ZBTB40: variants seen among roughly 807,000 people sequenced by gnomAD.
ZBTB40 encodes zinc finger and BTB domain-containing protein 40.
ZBTB40 carries 60 observed loss-of-function variants against 117.5 expected under a neutral mutation model. The observed-to-expected ratio is 0.51, with a 90% CI of 0.41 to 0.63. ZBTB40 has a LOEUF of 0.63. Ranked by LOEUF, ZBTB40 falls within the 30% of genes least tolerant of loss-of-function variation. The pLI is 0.00. For missense variants in ZBTB40, 1,287 were observed against 1,498.5 expected, an observed-to-expected ratio of 0.86 and a Z score of 2.33; for synonymous variants, 525 against 577.1, an observed-to-expected ratio of 0.91 and a Z score of 1.29.
intron 1 of ZBTB40, among the ~76,000 whole-genome samples, chr1:22,484,297 T>C (rs1638406632): frequency 6.6e-6 from 1 of 152,220 alleles, no homozygotes; most frequent in Non-Finnish European, 1.5e-5. Context: ...GGGATATCTC[T>C]CCATTTTTAA....
chr1:22,499,633 T>A (rs1638871889), intron 3 of ZBTB40, among the ~76,000 whole-genome samples: 1 of 152,214 alleles, frequency 6.6e-6, no homozygotes, highest in Non-Finnish European at 1.5e-5. Flanking sequence ...TATGTTGATG[T>A]GGATTATTAA....
chr1:22,509,758 G>A (rs1569866771), intron 9 of ZBTB40, among the ~76,000 whole-genome samples: 2 of 152,176 alleles, frequency 1.3e-5, no homozygotes, highest in Admixed American at 1.3e-4. Flanking sequence ...ATAGACAAGG[G>A]TTCTCAGGCC....
intron 16 of ZBTB40, among the ~76,000 whole-genome samples, chr1:22,522,945 C>CTTTTTTTTTTTTTTTTTTTTT (rs34232963): frequency 1.3e-4 from 12 of 93,908 alleles, no homozygotes; most frequent in African/African-American, 3.1e-4. Context: ...TAAGATGTAC[C>CTTTTTTTTTTTTTTTTTTTTT]TTTTTTTTTT....
chr1:22,463,105 A>G (rs1369892844), intron 1 of ZBTB40, among the ~76,000 whole-genome samples: 1 of 152,162 alleles, frequency 6.6e-6, no homozygotes, highest in Non-Finnish European at 1.5e-5. Flanking sequence ...CACTAATATT[A>G]TCCCCATTTT....
chr1:22,476,453 C>T (rs939778793), intron 1 of ZBTB40, among the ~76,000 whole-genome samples: 3 of 152,210 alleles, frequency 2.0e-5, no homozygotes, highest in South Asian at 2.1e-4. Context: ...CTCCTGGGTT[C>T]AAGTGATCCG....
At chr1:22,512,323 C>T (rs1444197620) in intron 11 of ZBTB40, among the ~76,000 whole-genome samples, 189 bp downstream of exon 11, 1 of 152,104 alleles carries the variant, frequency 6.6e-6, no homozygotes, top group Non-Finnish European at 1.5e-5. Flanking sequence ...CTTTGATTTC[C>T]CCAAATCTAT....
Position 22,491,628 on chromosome 1 carries a change from C to T in ZBTB40, c.831+95C>T, listed in dbSNP as rs1638633895. 8 of 1,245,944 alleles carry T rather than the reference C, an allele frequency of 6.4e-6. No homozygotes were observed. In the South Asian group the frequency reaches 9.1e-5, roughly 14 times the overall value. 77.2% of individuals were successfully genotyped at this position (1,245,944 alleles called of 1,614,324 possible). A position where few individuals can be genotyped will look rare whatever the true frequency, so the allele number is the denominator to read the frequency against. On this transcript the variant is annotated intron_variant, in intron 3 of 17. Coordinates refer to ENST00000375647, the MANE Select transcript of ZBTB40 (RefSeq NM_014870.4). ...ATGGGGCAGAAATAGCCCAGGGTTT[C>T]AATGTTTTGAAACTTTAATTTTTTT...
rs752177701 is a variant in ZBTB40 at position 22,490,421 on chromosome 1, A to C, written c.473A>C (p.His158Pro). Residue 158 changes from histidine to proline, a missense_variant, in exon 2 of 18, where the codon CAT becomes CCT. His to Pro is a moderately conservative substitution (Grantham distance 77). This residue lies in a region of ZBTB40 where 870 missense variants were observed against 934.4 expected (regional missense o/e 0.93). Transcript: ENST00000375647. ...TCATCTGAAGGTGCTGGAGAGCCTC[A>C]TTCTTCCCCAGAGCTTGCTGCCACT... ...ILSSEGAGEP[H>P]SSPELAATPG... 7.5e-6 allele frequency: 12 copies of C among 1,610,042 alleles called. No homozygotes were observed. In the South Asian group the frequency reaches 9.9e-5, roughly 13 times the overall value.
chr1:22,457,352 C>A (rs1041809430), intron 1 of ZBTB40, among the ~76,000 whole-genome samples: 2 of 152,084 alleles, frequency 1.3e-5, no homozygotes, highest in African/African-American at 2.4e-5. Context: ...TTTATTAGTA[C>A]CCAAAGGGAA....
rs148065517 is a variant in ZBTB40 at position 22,501,530 on chromosome 1, A to G, written c.870A>G (p.Ser290=). Residue 290 remains serine, a synonymous_variant, in exon 4 of 18, where the codon TCA becomes TCG. Coordinates refer to ENST00000375647, the MANE Select transcript of ZBTB40 (RefSeq NM_014870.4). Reference sequence around the variant, plus strand: ...GTTTCGAGGGTGAAGGAGGACATTCAGCATTCCAGAGAATCCTGGGTAAAG... The same window carrying G: ...GTTTCGAGGGTGAAGGAGGACATTCGGCATTCCAGAGAATCCTGGGTAAAG... ...VKCFEGEGGH[S]AFQRILGKVR... 3 of 1,614,198 alleles carry G rather than the reference A, an allele frequency of 1.9e-6. No individual in the cohort carries two copies. Among genetic ancestry groups the G allele is most frequent in the Admixed American group, 3.3e-5 (2 of 60,026 alleles).
chr1:22,490,667 T>G lies in ZBTB40; in HGVS notation c.697+22T>G, dbSNP rs1168625865. On this transcript the variant is annotated intron_variant, in intron 2 of 17. Transcript: ENST00000375647. The stretch of plus-strand genomic sequence containing the variant: ...CCAGGTAACAGTCATTGTTTTATAT[T>G]CCATCCTTCTGTTTTCAATGATCTT... 3 of 1,607,978 alleles carry G rather than the reference T, an allele frequency of 1.9e-6. No homozygotes were observed. The African/African-American group carries it at 4.0e-5, about 21-fold the overall frequency.
At chr1:22,510,035 G>C (rs1410024429) in intron 9 of ZBTB40, among the ~76,000 whole-genome samples, 1 of 152,164 alleles carries the variant, frequency 6.6e-6, no homozygotes, top group African/African-American at 2.4e-5. Context: ...TGCCCATATT[G>C]GGTAGCAAAT....
intron 3 of ZBTB40, among the ~76,000 whole-genome samples, chr1:22,496,385 C>T (rs1219312907): frequency 6.6e-6 from 1 of 152,016 alleles, no homozygotes; most frequent in Non-Finnish European, 1.5e-5. Context: ...CACTACGTTG[C>T]CTGGGAGGCA....
chr1:22,501,568 G>C lies in ZBTB40; in HGVS notation c.908G>C (p.Ser303Thr), dbSNP rs763488190. 1.2e-6 allele frequency: 2 copies of C among 1,614,156 alleles called. No homozygotes were observed. Among genetic ancestry groups the C allele is most frequent in the Non-Finnish European group, 1.7e-6 (2 of 1,180,012 alleles). Residue 303 changes from serine to threonine, a missense_variant, in exon 4 of 18, where the codon AGC (serine) becomes ACC (threonine). By Grantham distance (58) the Ser-to-Thr change is moderately conservative. Around this residue, in one of 2 missense-constraint regions of ZBTB40, gnomAD observed 870 missense variants for 934.4 expected, o/e 0.93. Coordinates refer to ENST00000375647, the MANE Select transcript of ZBTB40 (RefSeq NM_014870.4). ...ATCCTGGGTAAAGTAAGAGAGGAAA[G>C]CCTGGATGTTCAAACTGTTGTGTCC... ...QRILGKVREE[S>T]LDVQTVVSLL... is the part of the protein sequence containing the mutation.
chr1:22,521,435 T>C, intron 14 of ZBTB40, 61 bp from the exon 15 acceptor site: 1 of 1,599,886 alleles, frequency 6.3e-7, no homozygotes, highest in East Asian at 2.2e-5. Flanking sequence ...CATGAGAGCC[T>C]CGTGAGCTCT....
intron 5 of ZBTB40, among the ~76,000 whole-genome samples, chr1:22,503,724 A>T (rs1329118587): frequency 6.6e-6 from 1 of 152,256 alleles, no homozygotes; most frequent in Non-Finnish European, 1.5e-5. Flanking sequence ...AAGAAAATAT[A>T]CAAAGATTAA....
intron 9 of ZBTB40, 73 bp from the exon 10 acceptor site, chr1:22,511,106 T>G (rs1639218430): frequency 6.3e-7 from 1 of 1,578,892 alleles, no homozygotes; most frequent in Non-Finnish European, 8.6e-7. Flanking sequence ...TTTTTTTTTT[T>G]TTTTAGGTTG....
intron 12 of ZBTB40, among the ~76,000 whole-genome samples, chr1:22,514,507 G>A (rs1265395345): frequency 6.6e-6 from 1 of 152,072 alleles, no homozygotes; most frequent in Non-Finnish European, 1.5e-5. Context: ...AGGCCCGCAG[G>A]CACCTGCTCC....
intron 1 of ZBTB40, among the ~76,000 whole-genome samples, chr1:22,453,264 C>G (rs1640925426): frequency 6.6e-6 from 1 of 152,174 alleles, no homozygotes; most frequent in Admixed American, 6.5e-5. Flanking sequence ...CACTTTTCTT[C>G]TATGTCAGTA....
Sources: allele counts gnomAD v4.1 joint callset (sites outside exome capture counted in the v4.1 genomes callset), GRCh38; gene constraint gnomAD v4.1.1; regional missense constraint gnomAD v4.1.1; transcripts MANE v1.5; gene names NCBI Gene and HGNC (gene_info 2026-07-23, HGNC 2026-07-21).